SF3B3: variants seen among roughly 807,000 people sequenced by gnomAD.
SF3B3 encodes the protein SAP 130.
Under a neutral mutation model 139.2 loss-of-function variants are expected in SF3B3, and 33 were observed. That is an observed-to-expected ratio of 0.24 (90% confidence interval 0.18 to 0.32). The LOEUF (loss-of-function observed/expected upper bound fraction) is 0.32. SF3B3 is among the 10% of genes least tolerant of loss of function. The pLI is 1.00. For synonymous variants in SF3B3, 596 were observed against 563.6 expected (o/e 1.06, Z -0.81); for missense variants, 818 against 1,509.4 (o/e 0.54, Z 7.59).
intron 9 of SF3B3, among the ~76,000 whole-genome samples, chr16:70,544,127 A>G (rs1330419770): frequency 2.0e-5 from 3 of 152,212 alleles, no homozygotes; most frequent in Admixed American, 1.3e-4. Flanking sequence ...TTTATAAATA[A>G]TAAGATGATA....
intron 5 of SF3B3, among the ~76,000 whole-genome samples, chr16:70,534,974 C>T (rs1427441619): frequency 6.6e-6 from 1 of 152,148 alleles, no homozygotes; most frequent in East Asian, 1.9e-4. Flanking sequence ...CCTGAACACA[C>T]TGTATTTTAA....
rs533252893 is a variant in SF3B3, at chr16:70,548,402, T to C, written c.1362T>C (p.Gly454=). Residue 454 remains glycine (G), a synonymous_variant, in exon 11 of 26, where the codon GGT becomes GGC. Coordinates refer to ENST00000302516, the MANE Select transcript of SF3B3 (RefSeq NM_012426.5). ...VSEMAVSELP[G]NPNAVWTVRR... is the part of the protein sequence containing the mutation. The stretch of plus-strand genomic sequence containing the variant: ...AAATGGCTGTTTCTGAGCTACCTGG[T>C]AACCCCAACGCTGTCTGGACAGTGC... 2 of 1,614,086 alleles carry C rather than the reference T, an allele frequency of 1.2e-6. No homozygotes were observed. The highest frequency in any genetic ancestry group is 4.5e-5 in the East Asian group (2 of 44,886).
chr16:70,526,747 C>T, intron 2 of SF3B3, 21 bp downstream of exon 2: 1 of 1,566,166 alleles, frequency 6.4e-7, no homozygotes, highest in Non-Finnish European at 8.8e-7. Flanking sequence ...TCGTTACCAT[C>T]TTTTGAAATT....
Position 70,564,060 on chromosome 16 carries a change from C to G in SF3B3, c.2463+10C>G, listed in dbSNP as rs756347403. The G allele has an allele frequency of 6.2e-7, 1 of 1,612,538 alleles. No individual in the cohort carries two copies. Among genetic ancestry groups the G allele is most frequent in the Admixed American group, 1.7e-5 (1 of 59,786 alleles). ...GCAGCAGATGGCAGAGGTAATGAGA[C>G]TAACGTTCAGGGGTTCTATTAAAAG... On this transcript the variant is annotated intron_variant, in intron 18 of 25. Transcript: ENST00000302516.
At chr16:70,561,523 G>A in intron 16 of SF3B3, 107 bp from the exon 17 acceptor site, 1 of 885,518 alleles carries the variant, frequency 1.1e-6, no homozygotes, top group South Asian at 1.6e-5. Flanking sequence ...GAATATCTTA[G>A]GATACTCTGC....
intron 21 of SF3B3, 92 bp from the exon 22 acceptor site, chr16:70,568,191 A>T: frequency 1.0e-6 from 1 of 952,598 alleles, no homozygotes; most frequent in Admixed American, 1.8e-5. Flanking sequence ...TGTTCTGCTG[A>T]CCCTACGTAT....
chr16:70,534,788 C>T (rs2050150889), intron 5 of SF3B3, among the ~76,000 whole-genome samples: 1 of 152,176 alleles, frequency 6.6e-6, no homozygotes, highest in African/African-American at 2.4e-5. Flanking sequence ...CCTGCCTCAG[C>T]CTCCCGAGTA....
At chr16:70,544,648 A>G in intron 10 of SF3B3, 115 bp downstream of exon 10, 2 of 666,228 alleles carry the variant, frequency 3.0e-6, no homozygotes, top group African/African-American at 1.8e-5. Flanking sequence ...GTGAAAAAGT[A>G]TGTTCTTTCT....
intron 25 of SF3B3, 60 bp downstream of exon 25, chr16:70,571,259 G>A: frequency 8.1e-7 from 1 of 1,234,054 alleles, no homozygotes; most frequent in Non-Finnish European, 1.2e-6. Context: ...CACAGGGAGT[G>A]GATTGATGGG....
intron 12 of SF3B3, 65 bp downstream of exon 12, chr16:70,554,662 A>T (rs781183499): frequency 1.3e-6 from 2 of 1,539,732 alleles, no homozygotes; most frequent in Non-Finnish European, 1.8e-6. Context: ...ATTGTGATGC[A>T]GGCTGCTGTG....
chr16:70,529,241 A>G, intron 3 of SF3B3, 42 bp downstream of exon 3: 2 of 1,511,728 alleles, frequency 1.3e-6, no homozygotes, highest in Non-Finnish European at 1.8e-6. Context: ...CTAGTTTAGG[A>G]TAACAATGCT....
intron 1 of SF3B3, among the ~76,000 whole-genome samples, chr16:70,526,168 A>G (rs2050061762): frequency 6.6e-6 from 1 of 151,790 alleles, no homozygotes; most frequent in Non-Finnish European, 1.5e-5. Flanking sequence ...TTAATTCTAT[A>G]CTAATGACCT....
intron 25 of SF3B3, 151 bp downstream of exon 25, chr16:70,571,350 C>CT (rs1433936449): frequency 7.8e-6 from 5 of 639,422 alleles, no homozygotes; most frequent in South Asian, 7.5e-5. Flanking sequence ...AATCTGAACT[C>CT]TGAGTACCAA....
In SF3B3 at chr16:70,575,396, A is replaced by C. The variant is rs1256834221; in HGVS notation, c.*3583A>C. ...GTATTTTTAGTAGAGATGGGGTTTC[A>C]CCATGTTGGCCAGGCTGGTTTCGAA... On this transcript the variant is annotated 3_prime_UTR_variant, in exon 26 of 26. Transcript: ENST00000302516. 1 of 151,482 alleles carries C rather than the reference A, an allele frequency of 6.6e-6. No individual in the cohort carries two copies. Among genetic ancestry groups the C allele is most frequent in the Non-Finnish European group, 1.5e-5 (1 of 67,888 alleles). 9.4% of individuals were successfully genotyped at this position (151,482 alleles called of 1,614,324 possible).
chr16:70,563,051 T>C (rs2050444339), intron 17 of SF3B3, among the ~76,000 whole-genome samples: 1 of 152,170 alleles, frequency 6.6e-6, no homozygotes, highest in Non-Finnish European at 1.5e-5. Context: ...CAGGCTGGTC[T>C]TGAGCTCCTG....
rs1452237859 is a variant in SF3B3 at position 70,576,761 on chromosome 16, A to G, written c.*4948A>G. The G allele has an allele frequency of 6.6e-6, 1 of 152,238 alleles. No individual in the cohort carries two copies. The highest frequency in any genetic ancestry group is 1.5e-5 in the Non-Finnish European group (1 of 68,058). The allele number at this position is 152,238 out of a possible 1,614,324, so 9.4% of individuals were successfully genotyped here. On this transcript the variant is annotated 3_prime_UTR_variant, in exon 26 of 26. Coordinates refer to ENST00000302516, the MANE Select transcript of SF3B3 (RefSeq NM_012426.5). ...GCAAAGTCCATGAAGAGAGCACTGT[A>G]TACAGTCAGATGACCTGGGCTCACT...
intron 17 of SF3B3, among the ~76,000 whole-genome samples, chr16:70,562,471 C>T (rs7199043): frequency 0.032 from 4,808 of 152,228 alleles, 289 homozygotes; most frequent in African/African-American, 0.11. Flanking sequence ...TTTTCATGGT[C>T]ATTGTCCTTT....
chr16:70,530,587 A>G (rs999356798), intron 3 of SF3B3, among the ~76,000 whole-genome samples, 158 bp from the exon 4 acceptor site: 1 of 152,174 alleles, frequency 6.6e-6, no homozygotes, highest in Non-Finnish European at 1.5e-5. Flanking sequence ...CCAAAGTGCT[A>G]TTCTGATGAT....
chr16:70,558,815 T>G (rs2050402002), intron 15 of SF3B3, among the ~76,000 whole-genome samples: 1 of 152,348 alleles, frequency 6.6e-6, no homozygotes, highest in African/African-American at 2.4e-5. Context: ...CAGGCTGGTC[T>G]TGAACTCCTG....
Sources: allele counts gnomAD v4.1 joint callset (sites outside exome capture counted in the v4.1 genomes callset), GRCh38; gene constraint gnomAD v4.1.1; transcripts MANE v1.5; gene names NCBI Gene and HGNC (gene_info 2026-07-23, HGNC 2026-07-21).